CCSER1: variants seen among roughly 807,000 people sequenced by gnomAD.
CCSER1 encodes the protein coiled-coil serine rich protein 1.
CCSER1 carries 41 observed loss-of-function variants against 82.0 expected under a neutral mutation model. The ratio of observed to expected loss-of-function variants is 0.50; its 90% confidence interval spans 0.39 to 0.65. The LOEUF (loss-of-function observed/expected upper bound fraction) is 0.65, where lower values mean the gene tolerates loss of function less well. Among genes scored for constraint, CCSER1 ranks in the 30% least tolerant of loss-of-function variants. The probability of loss-of-function intolerance (pLI) is 0.00; values close to 1 mark genes in which losing one functional copy is unlikely to be tolerated. For synonymous variants in CCSER1, 414 were observed against 383.9 expected (o/e 1.08, Z -0.92); for missense variants, 1,119 against 1,064.2 (o/e 1.05, Z -0.72).
intron 10 of CCSER1, among the ~76,000 whole-genome samples, chr4:91,347,905 A>C (rs1748169565): frequency 6.6e-6 from 1 of 151,684 alleles, no homozygotes; most frequent in Non-Finnish European, 1.5e-5. Context: ...ATTAATAATC[A>C]TGTCACCACC....
At chr4:91,313,143 A>G (rs956615930) in intron 10 of CCSER1, among the ~76,000 whole-genome samples, 1 of 151,924 alleles carries the variant, frequency 6.6e-6, no homozygotes, top group Non-Finnish European at 1.5e-5. Context: ...GAACATTTTA[A>G]AATCTGTCTT....
At chr4:90,425,857 G>A (rs558690004) in intron 4 of CCSER1, among the ~76,000 whole-genome samples, 14 of 151,962 alleles carry the variant, frequency 9.2e-5, no homozygotes, top group Non-Finnish European at 2.1e-4. Context: ...TTTACTGTAG[G>A]CCCTAGGATT....
chr4:91,540,421 G>A (rs1219306256), intron 10 of CCSER1, among the ~76,000 whole-genome samples: 1 of 151,988 alleles, frequency 6.6e-6, no homozygotes, highest in East Asian at 1.9e-4. Flanking sequence ...TTTTCTTATT[G>A]TTTAATGCTA....
chr4:90,928,661 G>A (rs1427843641), intron 9 of CCSER1, among the ~76,000 whole-genome samples: 1 of 151,962 alleles, frequency 6.6e-6, no homozygotes, highest in Admixed American at 6.6e-5. Context: ...TTTTAAATAG[G>A]GTGATCTAGG....
intron 10 of CCSER1, among the ~76,000 whole-genome samples, chr4:91,461,276 T>A (rs1333103214): frequency 6.6e-6 from 1 of 152,220 alleles, no homozygotes; most frequent in African/African-American, 2.4e-5. Flanking sequence ...TTATTCTCCA[T>A]GTTTTACTTA....
intron 10 of CCSER1, among the ~76,000 whole-genome samples, chr4:91,246,583 A>T (rs143979885): frequency 3.3e-5 from 5 of 152,210 alleles, no homozygotes; most frequent in African/African-American, 1.2e-4. Context: ...AGATATCTGC[A>T]CTCCTATGTT....
intron 4 of CCSER1, among the ~76,000 whole-genome samples, chr4:90,466,549 A>T (rs1763674829): frequency 6.6e-6 from 1 of 152,224 alleles, no homozygotes; most frequent in South Asian, 2.1e-4. Flanking sequence ...TAAGACCCTA[A>T]TCAGGGAACC....
At chr4:90,577,422 T>A (rs1780890302) in intron 5 of CCSER1, among the ~76,000 whole-genome samples, 1 of 152,094 alleles carries the variant, frequency 6.6e-6, no homozygotes, top group Non-Finnish European at 1.5e-5. Flanking sequence ...TTGAGGGATT[T>A]TTTGTTTTGC....
At chr4:91,475,045 G>A (rs1024222424) in intron 10 of CCSER1, among the ~76,000 whole-genome samples, 1 of 151,722 alleles carries the variant, frequency 6.6e-6, no homozygotes, top group African/African-American at 2.4e-5. Flanking sequence ...TGGAAGGAAG[G>A]TGAGACAGTC....
intron 9 of CCSER1, among the ~76,000 whole-genome samples, chr4:91,065,991 A>G (rs1360555856): frequency 6.6e-6 from 1 of 152,202 alleles, no homozygotes; most frequent in African/African-American, 2.4e-5. Context: ...TTACTTTATC[A>G]AACATTCATC....
rs975865288 is a variant in CCSER1, at chr4:91,600,703, T to C, written c.*1646T>C. 3 of 152,166 alleles carry C rather than the reference T, an allele frequency of 2.0e-5. No individual in the cohort carries two copies. Among genetic ancestry groups the C allele is most frequent in the Non-Finnish European group, 2.9e-5 (2 of 68,016 alleles). The allele number at this position is 152,166 out of a possible 1,614,324, so 9.4% of individuals were successfully genotyped here. ...ACTTTGATACATTTGCAAACTTAGA[T>C]TGGAACTGATAAAGTAAGGAGTCGA... is the stretch of plus-strand genomic sequence containing the variant. On this transcript the variant is annotated 3_prime_UTR_variant, in exon 11 of 11. Transcript: ENST00000509176.
At chr4:91,402,655 C>A (rs189553713) in intron 10 of CCSER1, among the ~76,000 whole-genome samples, 110 of 152,240 alleles carry the variant, frequency 7.2e-4, no homozygotes, top group Non-Finnish European at 3.7e-4. Flanking sequence ...ATAGGGAATC[C>A]TTTCCCCATT....
intron 6 of CCSER1, among the ~76,000 whole-genome samples, chr4:90,699,324 G>T (rs753035245): frequency 6.6e-6 from 1 of 152,058 alleles, no homozygotes; most frequent in Non-Finnish European, 1.5e-5. Flanking sequence ...CATTACTCCA[G>T]CGTGGTGGTA....
At chr4:91,233,203 G>T (rs1581814876) in intron 10 of CCSER1, among the ~76,000 whole-genome samples, 1 of 151,910 alleles carries the variant, frequency 6.6e-6, no homozygotes, top group East Asian at 1.9e-4. Context: ...TTCTCCAAGC[G>T]ACTAGAGTTC....
At chr4:90,737,677 T>C (rs1337181763) in intron 7 of CCSER1, among the ~76,000 whole-genome samples, 8 of 152,182 alleles carry the variant, frequency 5.3e-5, no homozygotes, top group Non-Finnish European at 8.8e-5. Flanking sequence ...GGAAGTACTA[T>C]GTTATTGTCC....
At chr4:90,169,021 TG>T (rs1319117331) in intron 1 of CCSER1, among the ~76,000 whole-genome samples, 10 of 151,956 alleles carry the variant, frequency 6.6e-5, no homozygotes, top group African/African-American at 2.4e-4. Context: ...AGAAAGTCAT[TG>T]GTAGCTTGAT....
intron 3 of CCSER1, among the ~76,000 whole-genome samples, chr4:90,318,514 A>T (rs768506053): frequency 9.2e-5 from 14 of 152,242 alleles, no homozygotes; most frequent in Non-Finnish European, 1.9e-4. Flanking sequence ...CACAGTAAAA[A>T]CATAACTGTA....
At chr4:90,807,255 TGTA>T in intron 7 of CCSER1, among the ~76,000 whole-genome samples, 1 of 152,094 alleles carries the variant, frequency 6.6e-6, no homozygotes, top group East Asian at 1.9e-4. Context: ...TCCTTTGCAA[TGTA>T]GAGCAGGTAA....
At chr4:90,452,042 T>C (rs1761528482) in intron 4 of CCSER1, among the ~76,000 whole-genome samples, 1 of 152,106 alleles carries the variant, frequency 6.6e-6, no homozygotes, top group Non-Finnish European at 1.5e-5. Flanking sequence ...AGTGCCCTCA[T>C]GAGGGCAATT....
Sources: gnomAD v4.1 joint callset for allele counts (sites outside exome capture counted in the v4.1 genomes callset) on GRCh38, gnomAD v4.1.1 for gene constraint, MANE v1.5 for transcripts, NCBI Gene and HGNC (gene_info 2026-07-23, HGNC 2026-07-21) for gene names.